DLC1: variants seen among roughly 807,000 people sequenced by gnomAD.
The protein encoded by DLC1 is DLC1 Rho GTPase activating protein, also known as rho GTPase-activating protein 7.
DLC1 carries 54 observed loss-of-function variants against 140.3 expected under a neutral mutation model. The ratio of observed to expected loss-of-function variants is 0.38; its 90% CI spans 0.31 to 0.48. The LOEUF (loss-of-function observed/expected upper bound fraction) is 0.48, where lower values mean the gene tolerates loss of function less well. Among genes scored for constraint, DLC1 ranks in the 20% least tolerant of loss-of-function variants. The pLI is 0.96. For synonymous variants in DLC1, 986 were observed against 728.1 expected, an observed-to-expected ratio of 1.35 and a Z score of -5.70; for missense variants, 2,536 against 1,907.0, an observed-to-expected ratio of 1.33 and a Z score of -6.14.
At chr8:13,417,607 T>C (rs1467948916) in intron 2 of DLC1, among the ~76,000 whole-genome samples, 1 of 152,046 alleles carries the variant, frequency 6.6e-6, no homozygotes, top group African/African-American at 2.4e-5. Context: ...ATCCAGTCTA[T>C]GATTGTTGGA....
chr8:13,580,615 T>C (rs765718571), intron 1 of DLC1, among the ~76,000 whole-genome samples: 3 of 152,162 alleles, frequency 2.0e-5, no homozygotes, highest in Non-Finnish European at 4.4e-5. Flanking sequence ...ATGCAAAATA[T>C]AGCTGAGATG....
At chr8:13,554,761 G>C (rs1563437725) in intron 1 of DLC1, among the ~76,000 whole-genome samples, 1 of 152,062 alleles carries the variant, frequency 6.6e-6, no homozygotes, top group Non-Finnish European at 1.5e-5. Flanking sequence ...TTATGCTCTG[G>C]TTCTCATTCC....
chr8:13,096,813 G>A (rs1307921048), intron 10 of DLC1, among the ~76,000 whole-genome samples: 1 of 152,208 alleles, frequency 6.6e-6, no homozygotes, highest in African/African-American at 2.4e-5. Context: ...TTGCTACAGA[G>A]TGCTACTAAT....
At chr8:13,151,201 C>T (rs919296494) in intron 5 of DLC1, among the ~76,000 whole-genome samples, 1 of 152,144 alleles carries the variant, frequency 6.6e-6, no homozygotes, top group Admixed American at 6.5e-5. Context: ...CATGGGAAGA[C>T]TCAGCATTTA....
intron 5 of DLC1, among the ~76,000 whole-genome samples, chr8:13,292,966 T>C (rs1314252065): frequency 6.6e-6 from 1 of 152,250 alleles, no homozygotes; most frequent in African/African-American, 2.4e-5. Flanking sequence ...CTTACACCTG[T>C]AACCCCAGCA....
chr8:13,529,137 T>G (rs1803015057), intron 1 of DLC1, among the ~76,000 whole-genome samples: 1 of 152,176 alleles, frequency 6.6e-6, no homozygotes, highest in Non-Finnish European at 1.5e-5. Flanking sequence ...ATGTTTTTCT[T>G]AAAATAAAAT....
Position 13,125,207 on chromosome 8 carries a change from C to A in DLC1, c.1349-9550G>T, listed in dbSNP as rs535142770. ...GGCCAGGCTGGTCTCAAACTCCTGA[C>A]CTCAAGTGAGCCATCCGCCTTGGCC... On this transcript the variant is annotated intron_variant, in intron 5 of 17. Coordinates refer to ENST00000276297, the MANE Select transcript of DLC1 (RefSeq NM_182643.3). 3.9e-5 allele frequency among the ~76,000 whole-genome samples: 6 copies of A among 152,294 alleles called. No homozygotes were observed. In the South Asian group the frequency reaches 1.2e-3, roughly 32 times the overall value.
Position 13,084,150 on chromosome 8 carries a change from T to C in DLC1, c.*1661A>G, listed in dbSNP as rs1421795084. 1 of 152,646 alleles carries C rather than the reference T, an allele frequency of 6.6e-6. No homozygotes were observed. Among genetic ancestry groups the C allele is most frequent in the African/African-American group, 2.4e-5 (1 of 41,436 alleles). The allele number at this position is 152,646 out of a possible 1,614,324, so 9.5% of individuals were successfully genotyped here. ...TAATCTTTATCATGCTTTATCTATG[T>C]TTGAAAGCACAGTGGACATGTTTCT... On this transcript the variant is annotated 3_prime_UTR_variant, in exon 18 of 18. Transcript: ENST00000276297.
rs188917215 is a variant in DLC1 at position 13,131,425 on chromosome 8, C to T, written c.1349-15768G>A. Among the ~76,000 whole-genome samples the T allele has an allele frequency of 3.9e-5, 6 of 152,316 alleles. No homozygotes were observed. The East Asian group carries it at 1.2e-3, about 29-fold the overall frequency. On this transcript the variant is annotated intron_variant, in intron 5 of 17. Transcript: ENST00000276297. ...GTTTTTTCCAAATACATCATCAATGCCACCAGCCTAGGCTGCATTCCTCTA... is the reference window on the plus strand; with the variant it reads ...GTTTTTTCCAAATACATCATCAATGTCACCAGCCTAGGCTGCATTCCTCTA...
At chr8:13,447,368 C>T (rs1798824750) in intron 2 of DLC1, among the ~76,000 whole-genome samples, 1 of 152,158 alleles carries the variant, frequency 6.6e-6, no homozygotes, top group African/African-American at 2.4e-5. Context: ...TTTTGCGTGA[C>T]ATTGAGTAAT....
intron 3 of DLC1, among the ~76,000 whole-genome samples, chr8:13,395,157 G>C (rs28428968): frequency 6.7e-6 from 1 of 148,482 alleles, no homozygotes; most frequent in Non-Finnish European, 1.5e-5. Flanking sequence ...GTCTCACACC[G>C]TCGCCCCGGC....
chr8:13,588,947 G>A (rs886559033), intron 1 of DLC1, among the ~76,000 whole-genome samples: 1 of 151,964 alleles, frequency 6.6e-6, no homozygotes, highest in African/African-American at 2.4e-5. Context: ...CAGTCAAATG[G>A]GTGACAGATG....
chr8:13,392,712 T>A (rs989770098), intron 4 of DLC1, among the ~76,000 whole-genome samples: 1 of 152,212 alleles, frequency 6.6e-6, no homozygotes, highest in Admixed American at 6.5e-5. Flanking sequence ...CAAATACTAT[T>A]TTCCTGTTGC....
chr8:13,126,892 G>A (rs560315081), intron 5 of DLC1, among the ~76,000 whole-genome samples: 5 of 152,226 alleles, frequency 3.3e-5, no homozygotes, highest in African/African-American at 4.8e-5. Flanking sequence ...TAGCAGGAAC[G>A]TCTATTAAAA....
chr8:13,598,612 A>G (rs979285158), intron 1 of DLC1, among the ~76,000 whole-genome samples: 1 of 152,114 alleles, frequency 6.6e-6, no homozygotes, highest in Non-Finnish European at 1.5e-5. Context: ...ATTTCAATCC[A>G]TAAGCTGATG....
intron 5 of DLC1, among the ~76,000 whole-genome samples, chr8:13,287,466 C>G (rs952418314): frequency 6.6e-6 from 1 of 151,744 alleles, no homozygotes; most frequent in African/African-American, 2.4e-5. Context: ...TTTGGAAAAC[C>G]CTGCTCTGAA....
intron 5 of DLC1, among the ~76,000 whole-genome samples, chr8:13,185,307 T>C (rs1165981448): frequency 6.7e-6 from 1 of 149,254 alleles, no homozygotes; most frequent in Non-Finnish European, 1.5e-5. Context: ...TTTGTTTGTT[T>C]GTTTGTTTGT....
chr8:13,237,328 G>A (rs1395549271), intron 5 of DLC1, among the ~76,000 whole-genome samples: 2 of 145,282 alleles, frequency 1.4e-5, no homozygotes, highest in Admixed American at 6.9e-5. Context: ...CAGCTTCTGT[G>A]TATATATATA....
At position 13,090,283 on chromosome 8, in the gene DLC1, G is replaced by A; in HGVS notation, c.4043C>T (p.Thr1348Ile). ...ATAGGACAGCTCAGCCTGCTCCGAA[G>A]TGGAGTAGCTGACCCAGCCTTTAAA... The part of the protein sequence containing the change: ...EKFKGWVSYS[T>I]SEQAELSYKK... Residue 1348 changes from threonine (T) to isoleucine (I), a missense_variant, in exon 15 of 18, where the codon ACT becomes ATT. Transcript: ENST00000276297. 6.2e-7 allele frequency: 1 copy of A among 1,614,210 alleles called. No individual in the cohort carries two copies. Among genetic ancestry groups the A allele is most frequent in the Non-Finnish European group, 8.5e-7 (1 of 1,180,044 alleles).
Sources: gnomAD v4.1 joint callset for allele counts (sites outside exome capture counted in the v4.1 genomes callset) on GRCh38, gnomAD v4.1.1 for gene constraint, MANE v1.5 for transcripts, NCBI Gene and HGNC (gene_info 2026-07-23, HGNC 2026-07-21) for gene names.